The following DNAJC6 variants were observed in gnomAD, a reference collection of about 807,000 sequenced individuals.
DNAJC6 encodes auxilin.
DNAJC6 carries 34 observed loss-of-function variants against 110.0 expected under a neutral mutation model. That is an observed-to-expected ratio of 0.31 (90% CI 0.24 to 0.41). DNAJC6 has a LOEUF of 0.41. Among genes scored for constraint, DNAJC6 ranks in the 10% least tolerant of loss-of-function variants. The pLI is 1.00. For synonymous variants in DNAJC6, 406 were observed against 437.2 expected, an observed-to-expected ratio of 0.93 and a Z score of 0.89; for missense variants, 1,031 against 1,207.8, an observed-to-expected ratio of 0.85 and a Z score of 2.17.
At chr1:65,383,865 G>A (rs1645845786) in intron 5 of DNAJC6, among the ~76,000 whole-genome samples, 1 of 152,122 alleles carries the variant, frequency 6.6e-6, no homozygotes, top group South Asian at 2.1e-4. Context: ...GTTACTTCCA[G>A]TCCTAAACCA....
chr1:65,360,776 A>G (rs953741143), intron 1 of DNAJC6, among the ~76,000 whole-genome samples: 1 of 152,136 alleles, frequency 6.6e-6, no homozygotes, highest in Non-Finnish European at 1.5e-5. Flanking sequence ...CCTTTTATTC[A>G]GGGCTGTGAA....
chr1:65,380,529 T>TA (rs1645807404), intron 5 of DNAJC6, among the ~76,000 whole-genome samples: 1 of 152,218 alleles, frequency 6.6e-6, no homozygotes, highest in Non-Finnish European at 1.5e-5. Flanking sequence ...AATTTAATGT[T>TA]AAAGACCAAA....
rs559898891 is a variant in DNAJC6 at position 65,400,268 on chromosome 1, A to T, written c.2107+1387A>T. On this transcript the variant is annotated intron_variant, in intron 14 of 18. Coordinates refer to ENST00000371069, the MANE Select transcript of DNAJC6 (RefSeq NM_001256864.2). Reference sequence around the variant, plus strand: ...TGTTTTGAAGTACACATACACTGTGATATGGTTAAATGTAGCTAATTAACA... The same window carrying T: ...TGTTTTGAAGTACACATACACTGTGTTATGGTTAAATGTAGCTAATTAACA... Among the ~76,000 whole-genome samples the T allele has an allele frequency of 2.0e-4, 31 of 152,348 alleles. 1 individual carries two copies. The highest frequency in any genetic ancestry group is 5.8e-4 in the African/African-American group (24 of 41,582).
intron 13 of DNAJC6, among the ~76,000 whole-genome samples, chr1:65,395,791 A>G (rs1203380963): frequency 6.6e-6 from 1 of 152,226 alleles, no homozygotes; most frequent in African/African-American, 2.4e-5. Context: ...TATGTTAGAG[A>G]CTTAGGTTGT....
chr1:65,266,451 C>G (rs1421885072), intron 1 of DNAJC6, among the ~76,000 whole-genome samples: 1 of 152,154 alleles, frequency 6.6e-6, no homozygotes, highest in Non-Finnish European at 1.5e-5. Flanking sequence ...TCATTCACAG[C>G]CACGTATTGA....
intron 1 of DNAJC6, chr1:65,345,538 C>A: frequency 2.1e-6 from 1 of 484,052 alleles, no homozygotes; most frequent in Non-Finnish European, 2.7e-6. Context: ...TGCTTGTTTG[C>A]AAATCCTAGG....
chr1:65,371,180 G>T (rs1480595744), intron 4 of DNAJC6, among the ~76,000 whole-genome samples: 2 of 152,192 alleles, frequency 1.3e-5, no homozygotes, highest in Non-Finnish European at 2.9e-5. Flanking sequence ...AGACAATGTA[G>T]TATAATGGAG....
At chr1:65,329,881 C>A (rs1645272196) in intron 1 of DNAJC6, among the ~76,000 whole-genome samples, 1 of 152,084 alleles carries the variant, frequency 6.6e-6, no homozygotes. Context: ...GAAATCTGCC[C>A]TTCACTCTCT....
intron 1 of DNAJC6, among the ~76,000 whole-genome samples, chr1:65,285,914 G>C (rs1403687051): frequency 6.6e-6 from 1 of 152,110 alleles, no homozygotes; most frequent in African/African-American, 2.4e-5. Flanking sequence ...CGAGTGATCT[G>C]CCCGCCTCGG....
chr1:65,400,237 A>G (rs143146307), intron 14 of DNAJC6, among the ~76,000 whole-genome samples: 2 of 152,334 alleles, frequency 1.3e-5, no homozygotes, highest in Non-Finnish European at 2.9e-5. Context: ...GTCGTGTACA[A>G]TATGATGTTT....
chr1:65,370,068 T>C (rs1645690992), intron 4 of DNAJC6, among the ~76,000 whole-genome samples: 2 of 152,072 alleles, frequency 1.3e-5, no homozygotes, highest in Admixed American at 6.6e-5. Flanking sequence ...GTTTTTTGAC[T>C]CTTTATAGCC....
intron 9 of DNAJC6, 29 bp from the exon 10 acceptor site, chr1:65,389,227 G>GA: frequency 6.3e-7 from 1 of 1,596,300 alleles, no homozygotes; most frequent in African/African-American, 1.3e-5. Context: ...GTTTTTCACT[G>GA]AATTTATCTT....
chr1:65,396,875 C>T (rs1645984386), intron 13 of DNAJC6, among the ~76,000 whole-genome samples: 2 of 152,126 alleles, frequency 1.3e-5, no homozygotes, highest in Admixed American at 6.5e-5. Flanking sequence ...ACTCATTTTT[C>T]CCATCAAAGT....
intron 2 of DNAJC6, among the ~76,000 whole-genome samples, chr1:65,365,618 T>C (rs569683895): frequency 2.0e-5 from 3 of 151,840 alleles, no homozygotes; most frequent in Admixed American, 2.0e-4. Flanking sequence ...ATAAGCAGAG[T>C]TTTCTATTCT....
intron 1 of DNAJC6, among the ~76,000 whole-genome samples, chr1:65,273,826 A>G (rs1014928643): frequency 6.6e-6 from 1 of 152,052 alleles, no homozygotes; most frequent in Non-Finnish European, 1.5e-5. Flanking sequence ...CTTTCACTGT[A>G]GTCAGAGAAT....
At chr1:65,266,340 CTG>C (rs1272017305) in intron 1 of DNAJC6, among the ~76,000 whole-genome samples, 1 of 151,924 alleles carries the variant, frequency 6.6e-6, no homozygotes, top group African/African-American at 2.4e-5. Flanking sequence ...ATCTACGAAA[CTG>C]TAATGAAGGC....
intron 1 of DNAJC6, among the ~76,000 whole-genome samples, chr1:65,310,774 GTAT>G (rs1442594871): frequency 3.3e-5 from 5 of 152,304 alleles, no homozygotes; most frequent in African/African-American, 1.2e-4. Context: ...TGGACTAGGA[GTAT>G]TATTATAGCT....
rs1479806977 is a variant in DNAJC6 at position 65,365,916 on chromosome 1, G to A, written c.376G>A (p.Val126Ile). 2 of 1,613,418 alleles carry A rather than the reference G, an allele frequency of 1.2e-6. No individual in the cohort carries two copies. Among genetic ancestry groups the A allele is most frequent in the Admixed American group, 1.7e-5 (1 of 59,924 alleles). Reference sequence around the variant, plus strand: ...AAAGGGAGATTTAGACTTCACTTATGTTACCTCCAGAATTATTGGTAAGTT... The same window carrying A: ...AAAGGGAGATTTAGACTTCACTTATATTACCTCCAGAATTATTGGTAAGTT... ...YTKGDLDFTYVTSRIIVMSFP... is the reference protein window; with the variant it reads ...YTKGDLDFTYITSRIIVMSFP... The change falls in exon 3 of 19, where the codon GTT becomes ATT. Residue 126 changes from valine to isoleucine, a missense_variant. Val to Ile is a conservative substitution (Grantham distance 29). Transcript: ENST00000371069.
intron 1 of DNAJC6, among the ~76,000 whole-genome samples, chr1:65,358,992 C>T (rs1000092659): frequency 3.9e-5 from 6 of 152,166 alleles, no homozygotes; most frequent in African/African-American, 1.2e-4. Context: ...TATGGACACT[C>T]CTTCTCCTTT....
Sources: gnomAD v4.1 joint callset for allele counts (sites outside exome capture counted in the v4.1 genomes callset) on GRCh38, gnomAD v4.1.1 for gene constraint, MANE v1.5 for transcripts, NCBI Gene and HGNC (gene_info 2026-07-23, HGNC 2026-07-21) for gene names.